Variants in SERPINB12 observed in about 807,000 individuals in gnomAD.
SERPINB12 encodes the protein serpin B12.
Under a neutral mutation model 41.1 loss-of-function variants are expected in SERPINB12, and 57 were observed. The observed-to-expected ratio is 1.39, with a 90% CI of 1.12 to 1.73. SERPINB12 has a LOEUF of 1.73. SERPINB12 is among the 40% of genes most tolerant of loss of function. SERPINB12 has a pLI of 0.00. For synonymous variants in SERPINB12, 180 were observed against 181.3 expected (o/e 0.99, Z 0.06); for missense variants, 536 against 501.9 (o/e 1.07, Z -0.65).
In SERPINB12 at chr18:63,546,624, A is replaced by G. The variant is rs116519212; in HGVS notation, c.-19+4132A>G. On this transcript the variant is annotated intron_variant, in intron 1 of 7. Transcript: ENST00000382768. ...ATGAAGTAAAATACATTTCTGCTTCATGGTCTTCTAGTATAGAAATTTGAA... is the reference window on the plus strand; with the variant it reads ...ATGAAGTAAAATACATTTCTGCTTCGTGGTCTTCTAGTATAGAAATTTGAA... 5.6e-3 allele frequency among the ~76,000 whole-genome samples: 838 copies of G among 150,772 alleles called. 4 individuals carry two copies. Among genetic ancestry groups the G allele is most frequent in the African/African-American group, 0.02 (790 of 40,060 alleles).
upstream of SERPINB12, among the ~76,000 whole-genome samples, chr18:63,538,271 G>T (rs2144540786): frequency 6.6e-6 from 1 of 152,218 alleles, no homozygotes; most frequent in East Asian, 1.9e-4. Context: ...TTACAGAGTT[G>T]TACAGCCATA....
At chr18:63,550,138 G>T (rs1340979929) in intron 1 of SERPINB12, among the ~76,000 whole-genome samples, 1 of 152,104 alleles carries the variant, frequency 6.6e-6, no homozygotes, top group Non-Finnish European at 1.5e-5. Context: ...ATGAATTTTG[G>T]GAGACCTTAC....
intron 3 of SERPINB12, 105 bp from the exon 4 acceptor site, chr18:63,559,473 C>T: frequency 8.7e-7 from 1 of 1,153,800 alleles, no homozygotes; most frequent in Non-Finnish European, 1.2e-6. Context: ...TGACATCTTA[C>T]TAAGAAGCTC....
upstream of SERPINB12, among the ~76,000 whole-genome samples, chr18:63,538,100 G>A (rs1017187953): frequency 6.6e-6 from 1 of 152,150 alleles, no homozygotes; most frequent in African/African-American, 2.4e-5. Flanking sequence ...AGATATGAAA[G>A]TATGGAAGAA....
At chr18:63,556,832 C>T (rs1194655287) in intron 2 of SERPINB12, among the ~76,000 whole-genome samples, 1 of 152,162 alleles carries the variant, frequency 6.6e-6, no homozygotes, top group Non-Finnish European at 1.5e-5. Context: ...GAAAGATATC[C>T]ATAATCCAGG....
chr18:63,542,901 T>A (rs1910303472), intron 1 of SERPINB12, among the ~76,000 whole-genome samples: 1 of 152,226 alleles, frequency 6.6e-6, no homozygotes, highest in South Asian at 2.1e-4. Context: ...TATTTGTTTT[T>A]CTGTTCCTGT....
At chr18:63,521,540 A>G in the SERPINB12 span, among the ~76,000 whole-genome samples, 12 of 152,174 alleles carry the variant, frequency 7.9e-5, no homozygotes, top group African/African-American at 9.7e-5. Flanking sequence ...TGTCTATTCC[A>G]TAGGCCTTGG....
intron 7 of SERPINB12, among the ~76,000 whole-genome samples, chr18:63,566,231 T>C (rs927653933): frequency 6.6e-6 from 1 of 152,194 alleles, no homozygotes; most frequent in South Asian, 2.1e-4. Context: ...CTGTGTTAAG[T>C]TCTTTATATA....
At chr18:63,538,387 TTCTC>T (rs1271943687), upstream of SERPINB12, among the ~76,000 whole-genome samples, 1 of 152,142 alleles carries the variant, frequency 6.6e-6, no homozygotes. Flanking sequence ...ATAATCTACT[TTCTC>T]TCTTTATGGA....
chr18:63,564,006 C>T lies in SERPINB12; in HGVS notation c.591C>T (p.Asp197=), dbSNP rs778445063. The change falls in exon 6 of 8, where the codon GAC becomes GAT. Residue 197 remains aspartate (D), a synonymous_variant. Transcript: ENST00000382768. ...QGKIKELFSK[D]AINAETVLVL... ...AAATCAAGGAACTCTTCAGCAAGGA[C>T]GCTATTAATGCTGAGACTGTGCTGG... The T allele has an allele frequency of 1.1e-5, 17 of 1,612,096 alleles. No individual in the cohort carries two copies. Among genetic ancestry groups the T allele is most frequent in the South Asian group, 2.2e-5 (2 of 90,454 alleles).
intron 1 of SERPINB12, among the ~76,000 whole-genome samples, chr18:63,548,536 A>T (rs911501217): frequency 2.0e-5 from 3 of 152,070 alleles, no homozygotes; most frequent in African/African-American, 7.2e-5. Flanking sequence ...AAATAAAGGA[A>T]GGTAAAACAG....
intron 4 of SERPINB12, among the ~76,000 whole-genome samples, chr18:63,560,870 A>C (rs182612961): frequency 6.6e-6 from 1 of 152,288 alleles, no homozygotes; most frequent in Admixed American, 6.5e-5. Context: ...CTGTTCATGA[A>C]TAATATTTGA....
chr18:63,532,145 C>A, the SERPINB12 span, among the ~76,000 whole-genome samples: 1 of 152,192 alleles, frequency 6.6e-6, no homozygotes, highest in South Asian at 2.1e-4. Context: ...CTAGGGAAGA[C>A]TGCAGACATC....
chr18:63,540,426 T>A (rs1209660027), upstream of SERPINB12, among the ~76,000 whole-genome samples: 1 of 152,108 alleles, frequency 6.6e-6, no homozygotes, highest in Non-Finnish European at 1.5e-5. Flanking sequence ...CATCTGAGAT[T>A]CAGATAAACT....
chr18:63,545,636 A>G (rs747888895), intron 1 of SERPINB12, among the ~76,000 whole-genome samples: 3 of 152,204 alleles, frequency 2.0e-5, no homozygotes, highest in Non-Finnish European at 2.9e-5. Context: ...GGTACCCAGA[A>G]GCCCAGTGAA....
At chr18:63,520,354 AT>A in the SERPINB12 span, among the ~76,000 whole-genome samples, 3 of 152,160 alleles carry the variant, frequency 2.0e-5, no homozygotes, top group African/African-American at 4.8e-5. Flanking sequence ...GGTGGAAGCT[AT>A]TTCTAGGAAA....
the SERPINB12 span, among the ~76,000 whole-genome samples, chr18:63,521,702 G>C: frequency 6.6e-6 from 1 of 152,192 alleles, no homozygotes; most frequent in South Asian, 2.1e-4. Flanking sequence ...TGTGAGAAAA[G>C]CCATCCACAA....
At chr18:63,525,708 A>G in the SERPINB12 span, among the ~76,000 whole-genome samples, 4 of 152,174 alleles carry the variant, frequency 2.6e-5, no homozygotes, top group Admixed American at 6.5e-5. Context: ...TTTTTAAACA[A>G]TTATACCTAG....
chr18:63,567,206 C>A lies in SERPINB12; in HGVS notation c.*195C>A, dbSNP rs1911141261. On this transcript the variant is annotated 3_prime_UTR_variant, in exon 8 of 8. Coordinates refer to ENST00000382768, the MANE Select transcript of SERPINB12 (RefSeq NM_001307928.2). ...ATCTGAGTCTGTTAGTATTGAAGGG[C>A]TGTTGTTCTCTACCCTAAACTTTCA... 6.6e-6 allele frequency among the ~76,000 whole-genome samples: 1 copy of A among 152,172 alleles called. No homozygotes were observed. The highest frequency in any genetic ancestry group is 1.5e-5 in the Non-Finnish European group (1 of 68,024).
Sources: allele counts gnomAD v4.1 joint callset (sites outside exome capture counted in the v4.1 genomes callset), GRCh38; gene constraint gnomAD v4.1.1; transcripts MANE v1.5; gene names NCBI Gene and HGNC (gene_info 2026-07-23, HGNC 2026-07-21).